Variants in NGLY1 observed in about 807,000 individuals in gnomAD.
The protein encoded by NGLY1 is N-glycanase 1.
NGLY1 carries 68 observed loss-of-function variants against 84.6 expected under a neutral mutation model. The observed-to-expected ratio is 0.80, with a 90% CI of 0.66 to 0.98. The LOEUF (loss-of-function observed/expected upper bound fraction) is 0.98, where lower values mean the gene tolerates loss of function less well. Ranked by LOEUF, NGLY1 falls within the 50% of genes least tolerant of loss-of-function variation. NGLY1 has a pLI of 0.00. For missense variants in NGLY1, 779 were observed against 770.2 expected (o/e 1.01, Z -0.14); for synonymous variants, 280 against 275.2 (o/e 1.02, Z -0.17).
intron 2 of NGLY1, among the ~76,000 whole-genome samples, chr3:25,775,007 C>T (rs960941310): frequency 2.0e-5 from 3 of 152,168 alleles, no homozygotes; most frequent in Admixed American, 6.5e-5. Flanking sequence ...TTTCACTCAG[C>T]TCTCTAAATT....
intron 1 of NGLY1, among the ~76,000 whole-genome samples, chr3:25,780,941 C>T (rs1708385269): frequency 6.6e-6 from 1 of 152,036 alleles, no homozygotes; most frequent in Non-Finnish European, 1.5e-5. Context: ...TATTGATATA[C>T]AATATAGATT....
At chr3:25,745,432 G>A (rs950810429) in intron 4 of NGLY1, among the ~76,000 whole-genome samples, 9 of 152,058 alleles carry the variant, frequency 5.9e-5, no homozygotes, top group African/African-American at 2.2e-4. Context: ...CGAATTTCCA[G>A]GCCTATGTTT....
At chr3:25,782,981 C>G in intron 1 of NGLY1, 1 of 385,720 alleles carries the variant, frequency 2.6e-6, no homozygotes, top group Middle Eastern at 6.8e-4. Flanking sequence ...CGCCCGGCCC[C>G]GCTTCCGGGA....
intron 4 of NGLY1, among the ~76,000 whole-genome samples, chr3:25,743,745 A>C (rs1487010124): frequency 6.6e-6 from 1 of 152,198 alleles, no homozygotes; most frequent in Non-Finnish European, 1.5e-5. Context: ...TTGTTCACCA[A>C]ATAGTCATTA....
upstream of NGLY1, chr3:25,783,701 C>T (rs1213196376): frequency 2.5e-4 from 53 of 213,330 alleles, 1 homozygote; most frequent in Non-Finnish European, 9.5e-5. This position sits in a 1 kb window ranked among gnomAD's most constrained non-coding sequence, Gnocchi z 4.5. Flanking sequence ...AGGGGCTGTT[C>T]GGAAGAAGGT....
chr3:25,768,620 G>GT (rs568685145), intron 2 of NGLY1, among the ~76,000 whole-genome samples: 83 of 148,688 alleles, frequency 5.6e-4, no homozygotes, highest in Non-Finnish European at 9.6e-4. Flanking sequence ...CTGGAGCACA[G>GT]TGGTGCGATC....
At chr3:25,757,440 C>A (rs1021679166) in intron 3 of NGLY1, among the ~76,000 whole-genome samples, 1 of 152,072 alleles carries the variant, frequency 6.6e-6, no homozygotes, top group African/African-American at 2.4e-5. Flanking sequence ...AAGGGTTCGA[C>A]TGGTATACGT....
intron 2 of NGLY1, among the ~76,000 whole-genome samples, chr3:25,775,138 C>T (rs997088741): frequency 2.0e-5 from 3 of 152,254 alleles, no homozygotes; most frequent in Non-Finnish European, 2.9e-5. Context: ...ATGGAATTTG[C>T]AGCAGCAAGC....
At chr3:25,787,475 G>A (rs1708630095), upstream of NGLY1, among the ~76,000 whole-genome samples, 2 of 152,158 alleles carry the variant, frequency 1.3e-5, no homozygotes, top group African/African-American at 4.8e-5. Context: ...ATCTGATCAT[G>A]TTGTTCTCCT....
chr3:25,768,215 G>A (rs1707707787), intron 2 of NGLY1, among the ~76,000 whole-genome samples: 1 of 150,008 alleles, frequency 6.7e-6, no homozygotes, highest in African/African-American at 2.5e-5. Context: ...CTGAGGTCAG[G>A]AGTTCAATAC....
rs182059786 is a variant in NGLY1 at position 25,760,586 on chromosome 3, C to T, written c.492+3480G>A. 6.4e-3 allele frequency among the ~76,000 whole-genome samples: 968 copies of T among 152,188 alleles called. 7 individuals are homozygous for T. The highest frequency in any genetic ancestry group is 0.022 in the African/African-American group (905 of 41,524). ...TTACAAAGCTAGCACACAGGCCGGGCACGGTGGCTCACGCCTGTAACCCAG... is the reference window on the plus strand; with the variant it reads ...TTACAAAGCTAGCACACAGGCCGGGTACGGTGGCTCACGCCTGTAACCCAG... On this transcript the variant is annotated intron_variant, in intron 3 of 11. Coordinates refer to ENST00000280700, the MANE Select transcript of NGLY1 (RefSeq NM_018297.4).
At chr3:25,736,361 T>C in intron 6 of NGLY1, 1 of 1,551,532 alleles carries the variant, frequency 6.4e-7, no homozygotes, top group Non-Finnish European at 8.7e-7. Flanking sequence ...TCCAATCTCC[T>C]TTAACGTGGT....
At chr3:25,727,954 T>C (rs1705345013) in intron 10 of NGLY1, among the ~76,000 whole-genome samples, 1 of 152,312 alleles carries the variant, frequency 6.6e-6, no homozygotes, top group South Asian at 2.1e-4. Flanking sequence ...AGGCTAAGGA[T>C]AGTCTTCTAG....
intron 1 of NGLY1, chr3:25,789,775 G>T: frequency 7.1e-7 from 1 of 1,398,790 alleles, no homozygotes; most frequent in Non-Finnish European, 9.9e-7. Flanking sequence ...AGTAGAATAC[G>T]ATGGTGTCCC....
chr3:25,777,989 AAGG>A (rs1708236018), intron 2 of NGLY1: 1 of 152,224 alleles, frequency 6.6e-6, no homozygotes, highest in Non-Finnish European at 1.5e-5. Flanking sequence ...ATGCTCTACA[AAGG>A]AGAACTAGTT....
At chr3:25,785,355 A>G (rs191562995), upstream of NGLY1, among the ~76,000 whole-genome samples, 69 of 152,254 alleles carry the variant, frequency 4.5e-4, no homozygotes, top group African/African-American at 1.4e-3. Context: ...GTCTCGTCCA[A>G]CTACACAATG....
At chr3:25,744,152 T>C (rs1404150045) in intron 4 of NGLY1, among the ~76,000 whole-genome samples, 1 of 152,168 alleles carries the variant, frequency 6.6e-6, no homozygotes, top group Non-Finnish European at 1.5e-5. Flanking sequence ...CACTTCAATA[T>C]ACAAGAGAAT....
At chr3:25,724,371 A>G (rs1041710722) in intron 10 of NGLY1, among the ~76,000 whole-genome samples, 2 of 152,246 alleles carry the variant, frequency 1.3e-5, no homozygotes. Context: ...TGTTGCTGGT[A>G]AACCGGTACT....
chr3:25,748,785 T>C lies in NGLY1; in HGVS notation c.658+2313A>G, dbSNP rs898521902. ...AATATGGTTTCTGTTAGATTCACAT[T>C]AAAATTCACTAATTTAAATTCACTA... On this transcript the variant is annotated intron_variant, in intron 4 of 11. Coordinates refer to ENST00000280700, the MANE Select transcript of NGLY1 (RefSeq NM_018297.4). Among the ~76,000 whole-genome samples, 4 of 152,166 alleles carry C rather than the reference T, an allele frequency of 2.6e-5. No individual in the cohort carries two copies. The East Asian group carries it at 5.8e-4, about 22-fold the overall frequency.
Sources: allele counts gnomAD v4.1 joint callset (sites outside exome capture counted in the v4.1 genomes callset), GRCh38; gene constraint gnomAD v4.1.1; non-coding constraint Gnocchi (gnomAD v3.1); transcripts MANE v1.5; gene names NCBI Gene and HGNC (gene_info 2026-07-23, HGNC 2026-07-21).